SH3BGR: variants seen among roughly 807,000 people sequenced by gnomAD.
SH3BGR encodes the protein SH3 domain binding glutamate rich protein, also known as SH3 domain-binding glutamic acid-rich protein.
SH3BGR carries 29 observed loss-of-function variants against 24.5 expected under a neutral mutation model. The ratio of observed to expected loss-of-function variants is 1.18; its 90% CI spans 0.88 to 1.61. The LOEUF (loss-of-function observed/expected upper bound fraction) is 1.61, where lower values mean the gene tolerates loss of function less well. Among genes scored for constraint, SH3BGR ranks in the 40% most tolerant of loss-of-function variants. The pLI, the probability that SH3BGR is intolerant of heterozygous loss-of-function variation, is 0.00. For missense variants in SH3BGR, 162 were observed against 205.8 expected, an observed-to-expected ratio of 0.79 and a Z score of 1.30; for synonymous variants, 55 against 65.7, an observed-to-expected ratio of 0.84 and a Z score of 0.79.
intron 3 of SH3BGR, among the ~76,000 whole-genome samples, 190 bp from the exon 4 acceptor site, chr21:39,499,633 A>G (rs893058989): frequency 2.6e-5 from 4 of 152,180 alleles, no homozygotes; most frequent in Non-Finnish European, 4.4e-5. Context: ...TCTTTGACTT[A>G]TCCCAGTCGG....
intron 3 of SH3BGR, among the ~76,000 whole-genome samples, chr21:39,487,681 C>G (rs1029573720): frequency 2.6e-5 from 4 of 152,176 alleles, no homozygotes; most frequent in African/African-American, 9.7e-5. Flanking sequence ...ACATTTCAGT[C>G]TAATGAATAA....
At chr21:39,501,976 C>G (rs2123510982) in intron 4 of SH3BGR, among the ~76,000 whole-genome samples, 1 of 152,326 alleles carries the variant, frequency 6.6e-6, no homozygotes, top group South Asian at 2.1e-4. Flanking sequence ...AGTTTGAGAT[C>G]AGTCTGGCCA....
chr21:39,450,427 T>C (rs1286214601), upstream of SH3BGR, among the ~76,000 whole-genome samples: 1 of 152,190 alleles, frequency 6.6e-6, no homozygotes, highest in Non-Finnish European at 1.5e-5. Context: ...TTCCGGGGAC[T>C]GGGATGTCTT....
intron 2 of SH3BGR, among the ~76,000 whole-genome samples, chr21:39,467,760 A>C (rs562043783): frequency 6.6e-6 from 1 of 152,314 alleles, no homozygotes; most frequent in African/African-American, 2.4e-5. Flanking sequence ...GAGACCCCAG[A>C]GGCAAGCAGT....
At chr21:39,449,451 C>G (rs2077548782), upstream of SH3BGR, among the ~76,000 whole-genome samples, 1 of 152,146 alleles carries the variant, frequency 6.6e-6, no homozygotes, top group Non-Finnish European at 1.5e-5. Context: ...CACCTTCTTT[C>G]TGAAGTGGAT....
chr21:39,498,634 G>A (rs2078437660), intron 3 of SH3BGR, among the ~76,000 whole-genome samples: 3 of 152,084 alleles, frequency 2.0e-5, no homozygotes, highest in South Asian at 2.1e-4. Context: ...AGGAAGCATC[G>A]TCCCTTCCCA....
intron 2 of SH3BGR, among the ~76,000 whole-genome samples, chr21:39,469,478 T>C (rs1378625985): frequency 6.6e-6 from 1 of 151,842 alleles, no homozygotes; most frequent in Non-Finnish European, 1.5e-5. Context: ...TTTCCTTCTA[T>C]ACACTTTTTT....
intron 3 of SH3BGR, among the ~76,000 whole-genome samples, chr21:39,494,313 CT>C (rs766832423): frequency 6.7e-6 from 1 of 150,300 alleles, no homozygotes; most frequent in Non-Finnish European, 1.5e-5. Context: ...TTTCTGATGC[CT>C]TATGAAGAGT....
chr21:39,492,636 C>G lies in SH3BGR; in HGVS notation c.313-7187C>G, dbSNP rs146003137. On this transcript the variant is annotated intron_variant, in intron 3 of 6. Transcript: ENST00000333634. ...TGACTTCTTTTCCTCTGGGTAGATACCCAGTAGTGGGATTTCTGGATCAAA... is the reference window on the plus strand; with the variant it reads ...TGACTTCTTTTCCTCTGGGTAGATAGCCAGTAGTGGGATTTCTGGATCAAA... 3.2e-3 allele frequency among the ~76,000 whole-genome samples: 485 copies of G among 152,090 alleles called. 3 individuals are homozygous for G. The highest frequency in any genetic ancestry group is 0.011 in the African/African-American group (450 of 41,474).
intron 3 of SH3BGR, among the ~76,000 whole-genome samples, chr21:39,498,739 T>C (rs930520248): frequency 2.6e-5 from 4 of 152,294 alleles, no homozygotes; most frequent in Non-Finnish European, 5.9e-5. Flanking sequence ...AAATGTCTAC[T>C]TGGTCCTAAT....
intron 3 of SH3BGR, among the ~76,000 whole-genome samples, chr21:39,496,777 A>G (rs2123486719): frequency 6.6e-6 from 1 of 152,286 alleles, no homozygotes; most frequent in South Asian, 2.1e-4. Flanking sequence ...AGAAACATAC[A>G]GGGCCTCTGT....
chr21:39,447,416 CTTT>C (rs910615975), upstream of SH3BGR, among the ~76,000 whole-genome samples: 3 of 114,698 alleles, frequency 2.6e-5, no homozygotes, highest in Non-Finnish European at 5.3e-5. Context: ...TTCGCTTTTG[CTTT>C]TTTTTTTTTT....
intron 1 of SH3BGR, among the ~76,000 whole-genome samples, chr21:39,459,270 G>C (rs2077715758): frequency 6.6e-6 from 1 of 150,780 alleles, no homozygotes; most frequent in Non-Finnish European, 1.5e-5. Flanking sequence ...CTGTCGCCAG[G>C]CTGGAGTGCA....
At chr21:39,447,740 G>T (rs888204699), upstream of SH3BGR, among the ~76,000 whole-genome samples, 1 of 152,028 alleles carries the variant, frequency 6.6e-6, no homozygotes, top group Non-Finnish European at 1.5e-5. Flanking sequence ...TTTCGAAGGG[G>T]TGTTCTTTTC....
chr21:39,471,452 T>C (rs1395963127), intron 2 of SH3BGR, among the ~76,000 whole-genome samples: 2 of 152,122 alleles, frequency 1.3e-5, no homozygotes, highest in African/African-American at 4.8e-5. Context: ...TGTTTAGCAA[T>C]TGTATGCTTG....
chr21:39,498,365 G>A (rs989735314), intron 3 of SH3BGR, among the ~76,000 whole-genome samples: 1 of 152,112 alleles, frequency 6.6e-6, no homozygotes, highest in African/African-American at 2.4e-5. Context: ...AAAAGGCTGG[G>A]ACCCATTTTG....
chr21:39,448,396 A>G (rs116511520), upstream of SH3BGR, among the ~76,000 whole-genome samples: 620 of 152,362 alleles, frequency 4.1e-3, 5 homozygotes, highest in African/African-American at 0.014. Flanking sequence ...ATCATCTGGT[A>G]TCATTTATCA....
intron 4 of SH3BGR, among the ~76,000 whole-genome samples, chr21:39,502,260 A>G (rs2043929416): frequency 6.6e-6 from 1 of 152,210 alleles, no homozygotes; most frequent in Admixed American, 6.5e-5. Flanking sequence ...ACAGGCTGAC[A>G]GGGAATCAGA....
At chr21:39,453,841 C>T (rs1359458531) in intron 1 of SH3BGR, among the ~76,000 whole-genome samples, 13 of 152,084 alleles carry the variant, frequency 8.5e-5, no homozygotes, top group Admixed American at 5.2e-4. Context: ...GTGGGTGCCC[C>T]GCATGGTGTC....
Sources: gnomAD v4.1 joint callset for allele counts (sites outside exome capture counted in the v4.1 genomes callset) on GRCh38, gnomAD v4.1.1 for gene constraint, MANE v1.5 for transcripts, NCBI Gene and HGNC (gene_info 2026-07-23, HGNC 2026-07-21) for gene names.